Variants in PLCL2 observed in about 807,000 individuals in gnomAD.
PLCL2 encodes the protein inactive phospholipase C-like protein 2.
In PLCL2, 4 loss-of-function variants were observed where a neutral mutation model predicts 79.6. The observed-to-expected ratio is 0.05, with a 90% CI of 0.02 to 0.11. The LOEUF is 0.11. Among genes scored for constraint, PLCL2 ranks in the 10% least tolerant of loss-of-function variants. The pLI, the probability that PLCL2 is intolerant of heterozygous loss-of-function variation, is 1.00. For synonymous variants in PLCL2, 484 were observed against 457.7 expected (o/e 1.06, Z -0.73); for missense variants, 895 against 1,291.0 (o/e 0.69, Z 4.70).
chr3:16,889,293 C>G (rs1180454378), intron 1 of PLCL2, among the ~76,000 whole-genome samples: 2 of 152,120 alleles, frequency 1.3e-5, no homozygotes, highest in African/African-American at 4.8e-5. Context: ...GGCTGCACTC[C>G]ATTGCTTCCC....
chr3:16,990,922 G>T (rs530677550), intron 1 of PLCL2, among the ~76,000 whole-genome samples: 1 of 152,224 alleles, frequency 6.6e-6, no homozygotes, highest in African/African-American at 2.4e-5. Flanking sequence ...CCCAAAGGTT[G>T]TCAACAGCAG....
At chr3:16,891,971 A>G (rs1435574435) in intron 1 of PLCL2, among the ~76,000 whole-genome samples, 1 of 152,238 alleles carries the variant, frequency 6.6e-6, no homozygotes, top group Non-Finnish European at 1.5e-5. Flanking sequence ...ATCTCCATAC[A>G]GTCCTTCTGC....
At chr3:16,994,662 C>A (rs2064135464) in intron 1 of PLCL2, among the ~76,000 whole-genome samples, 1 of 152,140 alleles carries the variant, frequency 6.6e-6, no homozygotes, top group African/African-American at 2.4e-5. Context: ...ATATAGATTT[C>A]TACTTGGTGT....
intron 3 of PLCL2, among the ~76,000 whole-genome samples, chr3:17,015,137 A>G (rs548022039): frequency 3.3e-5 from 5 of 152,334 alleles, no homozygotes; most frequent in African/African-American, 4.8e-5. Flanking sequence ...TGGATTAAAC[A>G]TTAGTTAGCT....
intron 1 of PLCL2, among the ~76,000 whole-genome samples, chr3:16,901,752 CCT>C (rs1374046900): frequency 5.9e-5 from 9 of 152,200 alleles, no homozygotes; most frequent in Admixed American, 5.9e-4. Context: ...GTAGCAGTAG[CCT>C]CTCTCTAGCC....
intron 1 of PLCL2, among the ~76,000 whole-genome samples, chr3:16,942,533 G>A (rs1247202254): frequency 6.6e-6 from 1 of 152,208 alleles, no homozygotes; most frequent in Non-Finnish European, 1.5e-5. Context: ...GGCAGGAGAT[G>A]CGGGATGCTC....
At chr3:17,043,644 C>T (rs1455741088) in intron 4 of PLCL2, among the ~76,000 whole-genome samples, 1 of 150,990 alleles carries the variant, frequency 6.6e-6, no homozygotes, top group African/African-American at 2.4e-5. Context: ...AAAAATTGTC[C>T]TGACTTTCTA....
At chr3:16,910,986 G>A (rs1575524451) in intron 1 of PLCL2, among the ~76,000 whole-genome samples, 1 of 152,146 alleles carries the variant, frequency 6.6e-6, no homozygotes, top group East Asian at 1.9e-4. Flanking sequence ...AGGCACGGTG[G>A]CTCACCCTGT....
chr3:16,903,503 C>T (rs1360315807), intron 1 of PLCL2, among the ~76,000 whole-genome samples: 1 of 152,162 alleles, frequency 6.6e-6, no homozygotes. Flanking sequence ...AAGCAAAGTA[C>T]ACTGGAGCTC....
intron 1 of PLCL2, among the ~76,000 whole-genome samples, chr3:16,973,881 C>T (rs114763223): frequency 0.028 from 4,333 of 152,118 alleles, 229 homozygotes; most frequent in African/African-American, 0.1. Flanking sequence ...TATAAAATTA[C>T]AATGATGGTA....
intron 1 of PLCL2, among the ~76,000 whole-genome samples, chr3:16,951,373 T>G (rs533056980): frequency 9.9e-5 from 15 of 152,268 alleles, no homozygotes; most frequent in Admixed American, 2.0e-4. Context: ...ACATACTATC[T>G]GAATTTTGAA....
chr3:17,078,598 C>A (rs1471293422), intron 5 of PLCL2, among the ~76,000 whole-genome samples: 1 of 152,146 alleles, frequency 6.6e-6, no homozygotes, highest in African/African-American at 2.4e-5. Flanking sequence ...TATCAATAAA[C>A]CCTAAAAGTA....
At chr3:17,047,420 T>C (rs962232195) in intron 4 of PLCL2, among the ~76,000 whole-genome samples, 1 of 151,746 alleles carries the variant, frequency 6.6e-6, no homozygotes, top group African/African-American at 2.4e-5. Context: ...GAATGACTGT[T>C]AGGAGGGAGG....
At chr3:16,974,911 C>T (rs2063908341) in intron 1 of PLCL2, among the ~76,000 whole-genome samples, 1 of 152,182 alleles carries the variant, frequency 6.6e-6, no homozygotes, top group South Asian at 2.1e-4. Flanking sequence ...AGGGGAAGGG[C>T]TTAAATCCAT....
At chr3:16,984,824 C>T (rs1046840163) in intron 1 of PLCL2, among the ~76,000 whole-genome samples, 3 of 151,792 alleles carry the variant, frequency 2.0e-5, no homozygotes, top group Admixed American at 6.6e-5. Flanking sequence ...CCCAGCTACT[C>T]GGGACGCTGA....
intron 1 of PLCL2, among the ~76,000 whole-genome samples, chr3:16,949,287 C>G (rs895993717): frequency 6.6e-6 from 1 of 151,870 alleles, no homozygotes; most frequent in Admixed American, 6.6e-5. Flanking sequence ...ACTGCGCTCT[C>G]CCTCTGGCAG....
chr3:16,913,093 G>A (rs1696919164), intron 1 of PLCL2, among the ~76,000 whole-genome samples: 1 of 152,024 alleles, frequency 6.6e-6, no homozygotes, highest in African/African-American at 2.4e-5. Flanking sequence ...TTTGCTCTGA[G>A]GCTGAAGCCC....
chr3:16,897,597 C>T (rs1696513440), intron 1 of PLCL2, among the ~76,000 whole-genome samples: 2 of 152,232 alleles, frequency 1.3e-5, no homozygotes, highest in Non-Finnish European at 2.9e-5. Context: ...GCTGTTTACT[C>T]ACAGAAGATT....
rs1422870095 is a variant in PLCL2, at chr3:17,067,826, A to G, written c.3095-130A>G. The G allele has an allele frequency of 7.2e-6, 4 of 553,298 alleles. No individual in the cohort carries two copies. The Admixed American group carries it at 1.0e-4, about 14-fold the overall frequency. The allele number at this position is 553,298 out of a possible 1,614,324, so 34.3% of individuals were successfully genotyped here. A position where few individuals can be genotyped will look rare whatever the true frequency, so the allele number is the denominator to read the frequency against. On this transcript the variant is annotated intron_variant, in intron 4 of 5. Coordinates refer to ENST00000615277, the MANE Select transcript of PLCL2 (RefSeq NM_001144382.2). ...TTTGTCCCCATTATTACATTCTTAA[A>G]TGGACACATTTATGAAATTCCACTG...
Sources: gnomAD v4.1 joint callset for allele counts (sites outside exome capture counted in the v4.1 genomes callset) on GRCh38, gnomAD v4.1.1 for gene constraint, MANE v1.5 for transcripts, NCBI Gene and HGNC (gene_info 2026-07-23, HGNC 2026-07-21) for gene names.